PCM1: variants seen among roughly 807,000 people sequenced by gnomAD.
The protein encoded by PCM1 is pericentriolar material 1.
PCM1 carries 157 observed loss-of-function variants against 241.9 expected under a neutral mutation model. The ratio of observed to expected loss-of-function variants is 0.65; its 90% CI spans 0.57 to 0.74. The LOEUF (loss-of-function observed/expected upper bound fraction) is 0.74, where lower values mean the gene tolerates loss of function less well. Among genes scored for constraint, PCM1 ranks in the 30% least tolerant of loss-of-function variants. The pLI is 0.00. For synonymous variants in PCM1, 1,085 were observed against 784.9 expected (o/e 1.38, Z -6.39); for missense variants, 3,478 against 2,360.1 (o/e 1.47, Z -9.81).
chr8:17,990,321 A>G (rs1391728740), intron 27 of PCM1, among the ~76,000 whole-genome samples: 1 of 152,010 alleles, frequency 6.6e-6, no homozygotes, highest in Non-Finnish European at 1.5e-5. Context: ...CATCTAGTTA[A>G]TTCATGGGAA....
At chr8:17,974,880 C>CAG (rs1272300021) in intron 23 of PCM1, among the ~76,000 whole-genome samples, 2 of 151,956 alleles carry the variant, frequency 1.3e-5, no homozygotes, top group Non-Finnish European at 2.9e-5. Flanking sequence ...CACACACACA[C>CAG]ACACACACAC....
At chr8:17,971,665 A>C (rs1798865486) in intron 22 of PCM1, among the ~76,000 whole-genome samples, 1 of 152,208 alleles carries the variant, frequency 6.6e-6, no homozygotes, top group African/African-American at 2.4e-5. Flanking sequence ...TATGTTCCCA[A>C]GCCCTCTGCT....
Position 18,025,118 on chromosome 8 carries a change from G to A in PCM1, c.5842-243G>A, listed in dbSNP as rs73579717. On this transcript the variant is annotated intron_variant, in intron 36 of 38. Coordinates refer to ENST00000325083, the MANE Select transcript of PCM1 (RefSeq NM_006197.4). ...TTGTAACTATTTCTTCAGCATGTAT[G>A]AACTGCCCCCCTGCCTTTTTTTTTT... 2,267 of 351,074 alleles carry A rather than the reference G, an allele frequency of 6.5e-3. 60 individuals are homozygous for A. The highest frequency in any genetic ancestry group is 0.049 in the African/African-American group (2,136 of 43,170). 21.7% of individuals were successfully genotyped at this position (351,074 alleles called of 1,614,324 possible). A position where few individuals can be genotyped will look rare whatever the true frequency, so the allele number is the denominator to read the frequency against.
intron 23 of PCM1, among the ~76,000 whole-genome samples, chr8:17,976,353 CATT>C (rs2078769317): frequency 6.6e-6 from 1 of 152,208 alleles, no homozygotes; most frequent in African/African-American, 2.4e-5. Context: ...GCTGAGGAAT[CATT>C]GTTATACTGC....
chr8:17,973,166 T>C (rs2077419925), intron 23 of PCM1, among the ~76,000 whole-genome samples: 1 of 152,198 alleles, frequency 6.6e-6, no homozygotes, highest in South Asian at 2.1e-4. Context: ...TAAACTCATA[T>C]TTTACTCAGT....
At chr8:17,929,355 A>G (rs751649962) in intron 2 of PCM1, among the ~76,000 whole-genome samples, 2 of 152,042 alleles carry the variant, frequency 1.3e-5, no homozygotes, top group Non-Finnish European at 2.9e-5. Flanking sequence ...ATACCAGTGT[A>G]TTTAAGATCT....
chr8:18,027,747 T>TA lies in PCM1; in HGVS notation c.*90dup, dbSNP rs1166546836. The TA allele has an allele frequency of 1.1e-6, 1 of 942,910 alleles. No individual in the cohort carries two copies. Among genetic ancestry groups the TA allele is most frequent in the Non-Finnish European group, 1.6e-6 (1 of 637,504 alleles). The allele number at this position is 942,910 out of a possible 1,614,324, so 58.4% of individuals were successfully genotyped here. On this transcript the variant is annotated 3_prime_UTR_variant, in exon 39 of 39. Coordinates refer to ENST00000325083, the MANE Select transcript of PCM1 (RefSeq NM_006197.4). ...ATACTAAATAAACATCTGATCTGTA[T>TA]AAAAATGTAAATTAGTTTGACACTG... is the stretch of plus-strand genomic sequence containing the variant.
chr8:18,013,890 A>T, intron 34 of PCM1, 74 bp from the exon 35 acceptor site: 1 of 840,116 alleles, frequency 1.2e-6, no homozygotes, highest in South Asian at 1.7e-5. Context: ...GACAAAAACT[A>T]CACACTAGTA....
At chr8:18,024,634 C>A (rs2094024894) in intron 36 of PCM1, among the ~76,000 whole-genome samples, 1 of 152,082 alleles carries the variant, frequency 6.6e-6, no homozygotes, top group Non-Finnish European at 1.5e-5. Flanking sequence ...GAATTTTAGT[C>A]AGGGATCCTA....
intron 23 of PCM1, among the ~76,000 whole-genome samples, chr8:17,977,885 C>A (rs957956415): frequency 6.6e-6 from 1 of 152,060 alleles, no homozygotes; most frequent in East Asian, 1.9e-4. Flanking sequence ...GCATTTGGGT[C>A]CAGCCTTAAG....
chr8:17,954,635 C>T (rs895967016), intron 9 of PCM1, among the ~76,000 whole-genome samples: 2 of 152,058 alleles, frequency 1.3e-5, no homozygotes, highest in Non-Finnish European at 2.9e-5. Context: ...TGGAAACCAC[C>T]TACAGGAATT....
Position 18,011,809 on chromosome 8 carries a change from A to C in PCM1, c.5493A>C (p.Glu1831Asp). Residue 1831 changes from glutamate (E) to aspartate (D), a missense_variant, in exon 34 of 39, where the codon GAA becomes GAC. Transcript: ENST00000325083. ...AGGCTAACACTGAAGCTACTGAAGA[A>C]AATGAACATGATGAACAGGTATTCC... ...SLQANTEATE[E>D]NEHDEQVLQR... 1 of 1,613,120 alleles carries C rather than the reference A, an allele frequency of 6.2e-7. No individual in the cohort carries two copies. Among genetic ancestry groups the C allele is most frequent in the Non-Finnish European group, 8.5e-7 (1 of 1,179,666 alleles).
At chr8:18,024,740 G>A (rs2094037359) in intron 36 of PCM1, among the ~76,000 whole-genome samples, 1 of 152,090 alleles carries the variant, frequency 6.6e-6, no homozygotes, top group Non-Finnish European at 1.5e-5. Context: ...CTAGATTGGG[G>A]GATCTACTAT....
At chr8:17,941,571 T>C (rs1027680100) in intron 6 of PCM1, among the ~76,000 whole-genome samples, 17 of 151,816 alleles carry the variant, frequency 1.1e-4, no homozygotes, top group Non-Finnish European at 2.4e-4. Flanking sequence ...ACTTTTTAAA[T>C]TGTTTTACAA....
At chr8:17,969,171 C>G (rs1177968520) in intron 21 of PCM1, among the ~76,000 whole-genome samples, 1 of 152,072 alleles carries the variant, frequency 6.6e-6, no homozygotes, top group Non-Finnish European at 1.5e-5. Context: ...ATCTAATCAT[C>G]TTTTTCATTT....
intron 30 of PCM1, among the ~76,000 whole-genome samples, chr8:18,007,069 G>T (rs903729685): frequency 5.9e-5 from 9 of 152,174 alleles, no homozygotes; most frequent in African/African-American, 2.2e-4. Context: ...GAAATCCCAT[G>T]TTAGTGTTAA....
intron 16 of PCM1, among the ~76,000 whole-genome samples, chr8:17,962,735 C>A (rs997022345): frequency 2.0e-5 from 3 of 151,808 alleles, no homozygotes; most frequent in African/African-American, 7.3e-5. Flanking sequence ...CCTATCTCTA[C>A]TAAAAAATAC....
At chr8:18,027,540 CGTT>C (rs2094324488) in intron 38 of PCM1, 94 bp from the exon 39 acceptor site, 1 of 750,190 alleles carries the variant, frequency 1.3e-6, no homozygotes, top group South Asian at 2.5e-5. Flanking sequence ...TTTATAATAA[CGTT>C]ATATTAAAAG....
intron 24 of PCM1, chr8:17,983,201 A>G (rs1422513772): frequency 1.6e-6 from 2 of 1,232,346 alleles, no homozygotes; most frequent in Non-Finnish European, 1.1e-6. Flanking sequence ...TACACATTTT[A>G]TGTTCATCCT....
Sources: allele counts gnomAD v4.1 joint callset (sites outside exome capture counted in the v4.1 genomes callset), GRCh38; gene constraint gnomAD v4.1.1; transcripts MANE v1.5; gene names NCBI Gene and HGNC (gene_info 2026-07-23, HGNC 2026-07-21).